ADAM22: variants seen among roughly 807,000 people sequenced by gnomAD.
ADAM22 encodes disintegrin and metalloproteinase domain-containing protein 22.
ADAM22 carries 65 observed loss-of-function variants against 144.6 expected under a neutral mutation model. That is an observed-to-expected ratio of 0.45 (90% confidence interval 0.37 to 0.55). The LOEUF is 0.55. ADAM22 is among the 20% of genes least tolerant of loss of function. The probability of loss-of-function intolerance (pLI) is 0.00; values close to 1 mark genes in which losing one functional copy is unlikely to be tolerated. For synonymous variants in ADAM22, 391 were observed against 412.6 expected (o/e 0.95, Z 0.63); for missense variants, 974 against 1,184.9 (o/e 0.82, Z 2.61).
chr7:87,987,241 C>T (rs1788699645), intron 3 of ADAM22, among the ~76,000 whole-genome samples: 1 of 151,974 alleles, frequency 6.6e-6, no homozygotes, highest in Non-Finnish European at 1.5e-5. Flanking sequence ...TGCAGTGGCA[C>T]AATCTCAGCA....
chr7:88,082,582 T>C (rs189138197), intron 4 of ADAM22, among the ~76,000 whole-genome samples: 129 of 152,294 alleles, frequency 8.5e-4, no homozygotes, highest in Admixed American at 4.0e-3. Context: ...TTTTGCAGCC[T>C]ACTCATCTGA....
At chr7:88,089,025 C>A (rs1819149072) in intron 4 of ADAM22, among the ~76,000 whole-genome samples, 1 of 151,450 alleles carries the variant, frequency 6.6e-6, no homozygotes, top group Non-Finnish European at 1.5e-5. Flanking sequence ...GAGTCCAGTG[C>A]AAATTGAATA....
intron 20 of ADAM22, among the ~76,000 whole-genome samples, chr7:88,152,018 G>A (rs1225477036): frequency 1.3e-5 from 2 of 152,122 alleles, no homozygotes; most frequent in African/African-American, 4.8e-5. Flanking sequence ...GAGACAATTT[G>A]TAGTAGGAAA....
chr7:88,098,620 C>T (rs1330738327), intron 4 of ADAM22, among the ~76,000 whole-genome samples: 1 of 152,088 alleles, frequency 6.6e-6, no homozygotes, highest in African/African-American at 2.4e-5. Context: ...GTTATGGCCC[C>T]TATATTTTAT....
intron 2 of ADAM22, among the ~76,000 whole-genome samples, chr7:87,971,983 G>T (rs1033022683): frequency 4.6e-5 from 7 of 152,198 alleles, no homozygotes; most frequent in Admixed American, 1.3e-4. Context: ...GAGGTCAGGA[G>T]ATCGAGACCA....
At chr7:88,023,569 GCCA>G (rs1361197385) in intron 3 of ADAM22, among the ~76,000 whole-genome samples, 1 of 152,092 alleles carries the variant, frequency 6.6e-6, no homozygotes, top group African/African-American at 2.4e-5. Flanking sequence ...ACAGGCATGA[GCCA>G]CCACACCTGG....
rs1365116727 is a variant in ADAM22 at position 88,163,176 on chromosome 7, A to G, written c.2072A>G (p.Asn691Ser). The change falls in exon 23 of 32, where the codon AAT becomes AGT. Residue 691 changes from asparagine (N) to serine (S), a missense_variant. Asn to Ser is a conservative substitution (Grantham distance 46, BLOSUM62 1). Around this residue, in one of 2 missense-constraint regions of ADAM22, gnomAD observed 734 missense variants for 950.6 expected, o/e 0.77. Transcript: ENST00000413139. ...AAAGAAGGCACTATTTGCTCAGGAA[A>G]TGGAGTAAGTATCCAGTACCTTGTC... ...SSKEGTICSG[N>S]GVCSNELKCV... is the part of the protein sequence containing the mutation. The G allele has an allele frequency of 6.2e-7, 1 of 1,604,756 alleles. No homozygotes were observed. The highest frequency in any genetic ancestry group is 1.3e-5 in the African/African-American group (1 of 74,440).
chr7:88,087,196 A>C (rs909175713), intron 4 of ADAM22, among the ~76,000 whole-genome samples: 2 of 152,238 alleles, frequency 1.3e-5, no homozygotes, highest in African/African-American at 4.8e-5. Flanking sequence ...TATAATATGT[A>C]AAATAAGAGG....
At chr7:88,045,686 C>T (rs1046988727) in intron 3 of ADAM22, among the ~76,000 whole-genome samples, 1 of 152,124 alleles carries the variant, frequency 6.6e-6, no homozygotes, top group Admixed American at 6.5e-5. Context: ...TCTGTACACC[C>T]TCCTCACTTC....
chr7:88,050,500 AAG>A (rs1351469025), intron 3 of ADAM22, among the ~76,000 whole-genome samples: 75 of 147,850 alleles, frequency 5.1e-4, no homozygotes, highest in African/African-American at 1.8e-3. Context: ...AAAAAAAAAA[AAG>A]AAAGAAATTA....
intron 3 of ADAM22, among the ~76,000 whole-genome samples, chr7:87,988,483 A>G (rs988242956): frequency 1.3e-5 from 2 of 152,226 alleles, no homozygotes; most frequent in African/African-American, 4.8e-5. Context: ...GGGATAAAAA[A>G]TCAGAAACTT....
intron 3 of ADAM22, among the ~76,000 whole-genome samples, chr7:87,990,854 G>A (rs1037277345): frequency 3.3e-5 from 5 of 152,022 alleles, no homozygotes; most frequent in East Asian, 1.9e-4. Context: ...TAGTAGAGAC[G>A]GAGTTTTGCC....
At chr7:88,067,317 A>G (rs1245254104) in intron 3 of ADAM22, among the ~76,000 whole-genome samples, 1 of 151,160 alleles carries the variant, frequency 6.6e-6, no homozygotes, top group African/African-American at 2.4e-5. Context: ...ACATATGTAT[A>G]CATGTGCCAT....
intron 2 of ADAM22, among the ~76,000 whole-genome samples, chr7:87,954,118 A>C (rs1846006240): frequency 6.6e-6 from 1 of 152,006 alleles, no homozygotes; most frequent in Non-Finnish European, 1.5e-5. Flanking sequence ...TGTGTCTTTT[A>C]ATTGGAGCAT....
chr7:88,148,928 ATT>A, intron 17 of ADAM22, 47 bp from the exon 18 acceptor site: 1 of 1,382,518 alleles, frequency 7.2e-7, no homozygotes, highest in Admixed American at 2.1e-5. Flanking sequence ...ATATTGTAAG[ATT>A]TTTTTTTCTC....
intron 2 of ADAM22, among the ~76,000 whole-genome samples, chr7:87,955,340 TTTCC>T (rs545684898): frequency 0.022 from 3,398 of 152,280 alleles, 121 homozygotes; most frequent in African/African-American, 0.077. Context: ...GTTTGTTAGT[TTTCC>T]TTCTAACAGA....
chr7:88,116,490 T>C (rs969067203), intron 6 of ADAM22, among the ~76,000 whole-genome samples: 46 of 152,216 alleles, frequency 3.0e-4, no homozygotes, highest in Admixed American at 2.9e-3. Flanking sequence ...GGGGAATAGA[T>C]TCATTCATTT....
chr7:87,955,926 T>G (rs1846591306), intron 2 of ADAM22, among the ~76,000 whole-genome samples: 1 of 152,210 alleles, frequency 6.6e-6, no homozygotes, highest in Non-Finnish European at 1.5e-5. Flanking sequence ...TAGGACCCTC[T>G]GAGCCAGGTG....
intron 29 of ADAM22, 46 bp downstream of exon 29, chr7:88,182,070 CAAATA>C: frequency 6.7e-7 from 1 of 1,484,824 alleles, no homozygotes; most frequent in African/African-American, 1.4e-5. Flanking sequence ...AGGTCCTGTG[CAAATA>C]GTGTCAAAAG....
Sources: gnomAD v4.1 joint callset for allele counts (sites outside exome capture counted in the v4.1 genomes callset) on GRCh38, gnomAD v4.1.1 for gene constraint, gnomAD v4.1.1 regional missense constraint, MANE v1.5 for transcripts, NCBI Gene and HGNC (gene_info 2026-07-23, HGNC 2026-07-21) for gene names.